SLC35F4: variants seen among roughly 807,000 people sequenced by gnomAD.
SLC35F4 encodes solute carrier family 35 member F4, also known as chromosome 14 open reading frame 36.
In SLC35F4, 24 loss-of-function variants were observed where a neutral mutation model predicts 44.2. The observed-to-expected ratio is 0.54, with a 90% CI of 0.39 to 0.76. The LOEUF is 0.76. Ranked by LOEUF, SLC35F4 falls within the 30% of genes least tolerant of loss-of-function variation. The pLI is 0.00. For missense variants in SLC35F4, 562 were observed against 586.1 expected (o/e 0.96, Z 0.42); for synonymous variants, 238 against 223.6 (o/e 1.06, Z -0.57).
At chr14:57,895,236 G>A (rs990948034) in intron 1 of SLC35F4, among the ~76,000 whole-genome samples, 1 of 152,062 alleles carries the variant, frequency 6.6e-6, no homozygotes, top group African/African-American at 2.4e-5. Context: ...GACTCTTACT[G>A]GCCAAGCACT....
intron 1 of SLC35F4, among the ~76,000 whole-genome samples, chr14:57,702,876 A>G (rs1414904609): frequency 6.6e-6 from 1 of 152,204 alleles, no homozygotes; most frequent in Non-Finnish European, 1.5e-5. Context: ...AAGGCAGTGG[A>G]CAGTGGCCAT....
chr14:57,572,710 C>T (rs765680592), intron 4 of SLC35F4, among the ~76,000 whole-genome samples: 1 of 152,170 alleles, frequency 6.6e-6, no homozygotes, highest in African/African-American at 2.4e-5. Context: ...AGAGCATTAA[C>T]TGCATAAAGT....
chr14:57,957,177 AC>A (rs1383345300), intron 1 of SLC35F4, among the ~76,000 whole-genome samples: 1 of 152,218 alleles, frequency 6.6e-6, no homozygotes, highest in Non-Finnish European at 1.5e-5. Flanking sequence ...TTCTCAGCAA[AC>A]TAACACAAGA....
chr14:57,686,479 T>A (rs2075071912), intron 1 of SLC35F4, among the ~76,000 whole-genome samples: 1 of 152,138 alleles, frequency 6.6e-6, no homozygotes, highest in Non-Finnish European at 1.5e-5. Flanking sequence ...TTGGTTCCCT[T>A]TTTAACAGCT....
chr14:57,627,462 T>G (rs1319963283), intron 1 of SLC35F4, among the ~76,000 whole-genome samples: 2 of 151,682 alleles, frequency 1.3e-5, no homozygotes, highest in African/African-American at 4.9e-5. Context: ...AAAACATTGT[T>G]AGCTAATTGC....
In SLC35F4 at chr14:57,865,444, G is replaced by T. The variant is rs147885111; in HGVS notation, c.103+279C>A. Among the ~76,000 whole-genome samples, 706 of 152,304 alleles carry T rather than the reference G, an allele frequency of 4.6e-3. 7 individuals are homozygous for T. Among genetic ancestry groups the T allele is most frequent in the African/African-American group, 0.016 (678 of 41,590 alleles). On this transcript the variant is annotated intron_variant, in intron 1 of 7. Transcript: ENST00000556826. ...GAGCCGGCCAACGGCGGTCAGGAGC[G>T]CTCACCAGGTCCCCTCCGCACCTCC...
At chr14:57,699,460 CT>C (rs1430876620) in intron 1 of SLC35F4, among the ~76,000 whole-genome samples, 1 of 152,168 alleles carries the variant, frequency 6.6e-6, no homozygotes. Flanking sequence ...CCAAGAATCC[CT>C]TACGTGCAAG....
intron 1 of SLC35F4, among the ~76,000 whole-genome samples, chr14:57,892,708 A>G (rs1364010767): frequency 6.6e-6 from 1 of 152,192 alleles, no homozygotes; most frequent in Non-Finnish European, 1.5e-5. Flanking sequence ...GCACCTTAAT[A>G]TTAGAGGTAA....
chr14:57,618,742 C>T (rs1279296206), intron 1 of SLC35F4, among the ~76,000 whole-genome samples: 2 of 152,212 alleles, frequency 1.3e-5, no homozygotes, highest in East Asian at 3.9e-4. Flanking sequence ...AAGTGGTCTG[C>T]CTTGGCAGGT....
chr14:57,878,952 C>G (rs1406382898), intron 1 of SLC35F4, among the ~76,000 whole-genome samples: 1 of 152,084 alleles, frequency 6.6e-6, no homozygotes, highest in East Asian at 1.9e-4. Flanking sequence ...TTGATGTTGT[C>G]TTATGAACAT....
At chr14:57,733,625 A>T (rs1474305330) in intron 1 of SLC35F4, among the ~76,000 whole-genome samples, 1 of 152,088 alleles carries the variant, frequency 6.6e-6, no homozygotes, top group African/African-American at 2.4e-5. Flanking sequence ...CCACTGATGT[A>T]TGGATAGCAT....
chr14:57,832,124 G>C (rs1238282754), intron 1 of SLC35F4, among the ~76,000 whole-genome samples: 1 of 152,216 alleles, frequency 6.6e-6, no homozygotes, highest in Non-Finnish European at 1.5e-5. Context: ...GATTGGAGAA[G>C]TTGGCCAGGG....
chr14:57,937,350 G>A (rs569485638), intron 1 of SLC35F4, among the ~76,000 whole-genome samples: 273 of 152,086 alleles, frequency 1.8e-3, no homozygotes, highest in Admixed American at 2.4e-3. Flanking sequence ...TTACAGGCGC[G>A]AGCCACCGCA....
intron 1 of SLC35F4, among the ~76,000 whole-genome samples, chr14:57,765,137 T>C (rs2077206159): frequency 6.6e-6 from 1 of 152,232 alleles, no homozygotes; most frequent in Non-Finnish European, 1.5e-5. Flanking sequence ...ACAACTTACT[T>C]TCCACACATG....
Position 57,865,635 on chromosome 14 carries a change from G to A in SLC35F4, c.103+88C>T, listed in dbSNP as rs1485956102. 24 of 1,121,238 alleles carry A rather than the reference G, an allele frequency of 2.1e-5. 1 individual carries two copies. In the South Asian group the frequency reaches 3.7e-4, roughly 17 times the overall value. The allele number at this position is 1,121,238 out of a possible 1,614,324, so 69.5% of individuals were successfully genotyped here. Reference sequence around the variant, plus strand: ...CCGCAGGGCTGCAGGTGTCCGTACCGCGCGCCCGCCCGTCCGCATCCCCGC... The same window carrying A: ...CCGCAGGGCTGCAGGTGTCCGTACCACGCGCCCGCCCGTCCGCATCCCCGC... On this transcript the variant is annotated intron_variant, in intron 1 of 7. Coordinates refer to ENST00000556826, the MANE Select transcript of SLC35F4 (RefSeq NM_001306087.2).
chr14:57,879,816 G>C (rs1888479899), intron 1 of SLC35F4, among the ~76,000 whole-genome samples: 1 of 152,014 alleles, frequency 6.6e-6, no homozygotes, highest in East Asian at 1.9e-4. Context: ...CTACTGGACA[G>C]TAAGCCTTAT....
At chr14:57,803,365 G>T (rs537422539) in intron 1 of SLC35F4, among the ~76,000 whole-genome samples, 2 of 152,176 alleles carry the variant, frequency 1.3e-5, no homozygotes, top group East Asian at 1.9e-4. Flanking sequence ...CTGGGCAAAA[G>T]CTAGAAGCAT....
intron 1 of SLC35F4, among the ~76,000 whole-genome samples, chr14:57,897,645 G>T (rs954936920): frequency 1.3e-5 from 2 of 151,976 alleles, no homozygotes; most frequent in African/African-American, 4.8e-5. Context: ...CTTAGTCCAC[G>T]AAAGAGATGG....
chr14:57,623,009 C>G (rs1344489695), intron 1 of SLC35F4, among the ~76,000 whole-genome samples: 1 of 151,988 alleles, frequency 6.6e-6, no homozygotes, highest in African/African-American at 2.4e-5. Context: ...TTAAAAGACA[C>G]AGACTGGCAA....
Sources: gnomAD v4.1 joint callset for allele counts (sites outside exome capture counted in the v4.1 genomes callset) on GRCh38, gnomAD v4.1.1 for gene constraint, MANE v1.5 for transcripts, NCBI Gene and HGNC (gene_info 2026-07-23, HGNC 2026-07-21) for gene names.